SMCO4: variants seen among roughly 807,000 people sequenced by gnomAD.
SMCO4 encodes single-pass membrane and coiled-coil domain-containing protein 4.
SMCO4 carries 4 observed loss-of-function variants against 3.6 expected under a neutral mutation model. That is an observed-to-expected ratio of 1.11 (90% CI 0.54 to 2.53). SMCO4 has a LOEUF of 2.53. Among genes scored for constraint, SMCO4 ranks in the 30% most tolerant of loss-of-function variants. The pLI, the probability that SMCO4 is intolerant of heterozygous loss-of-function variation, is 0.02. For synonymous variants in SMCO4, 36 were observed against 35.3 expected (o/e 1.02, Z -0.07); for missense variants, 70 against 80.8 (o/e 0.87, Z 0.51).
Position 93,541,391 on chromosome 11 carries a change from G to C in SMCO4, c.-154+1885C>G, listed in dbSNP as rs1422990726. On this transcript the variant is annotated intron_variant, in intron 1 of 2. Transcript: ENST00000298966. ...AAGTCTGGGCATGCCAGAGGCAAGA[G>C]GAACCAGCTCACCACTTCTCAAGCC... is the stretch of plus-strand genomic sequence containing the variant. Among the ~76,000 whole-genome samples the C allele has an allele frequency of 2.6e-4, 39 of 152,152 alleles. 1 individual carries two copies.
chr11:93,485,950 T>C (rs1323548689), intron 2 of SMCO4, among the ~76,000 whole-genome samples: 3 of 152,150 alleles, frequency 2.0e-5, no homozygotes, highest in Non-Finnish European at 4.4e-5. Context: ...CAATCTCAAC[T>C]CCACTATAAA....
intron 1 of SMCO4, among the ~76,000 whole-genome samples, chr11:93,527,727 C>T (rs1949122300): frequency 1.3e-5 from 2 of 152,198 alleles, no homozygotes; most frequent in East Asian, 3.8e-4. Flanking sequence ...TCCCAAAGGG[C>T]TGGGATTATA....
At chr11:93,516,898 C>T (rs1459761301) in intron 1 of SMCO4, among the ~76,000 whole-genome samples, 2 of 152,020 alleles carry the variant, frequency 1.3e-5, no homozygotes, top group African/African-American at 4.8e-5. Flanking sequence ...TAAGAAGAAA[C>T]AAAAACTTCT....
intron 1 of SMCO4, among the ~76,000 whole-genome samples, chr11:93,504,489 G>A (rs968728209): frequency 9.9e-5 from 15 of 152,208 alleles, no homozygotes; most frequent in African/African-American, 3.4e-4. Context: ...CAAAGCCTGT[G>A]GCCACATGCC....
chr11:93,488,545 G>A (rs1402614923), intron 2 of SMCO4, among the ~76,000 whole-genome samples: 1 of 152,166 alleles, frequency 6.6e-6, no homozygotes, highest in Non-Finnish European at 1.5e-5. Flanking sequence ...GATTGGAAAT[G>A]GAGTGTGAAA....
Position 93,483,465 on chromosome 11 carries a change from A to G in SMCO4, c.-80-4196T>C, listed in dbSNP as rs1221014811. The stretch of plus-strand genomic sequence containing the variant: ...ATCTAAGAGACATGAATGGACACTG[A>G]AGTTGGACAATCACACAGTTGTAGT... On this transcript the variant is annotated intron_variant, in intron 2 of 2. Transcript: ENST00000298966. Among the ~76,000 whole-genome samples the G allele has an allele frequency of 2.0e-5, 3 of 152,206 alleles. No individual in the cohort carries two copies. In the East Asian group the frequency reaches 5.8e-4, roughly 29 times the overall value.
At chr11:93,486,172 C>T (rs1484870782) in intron 2 of SMCO4, among the ~76,000 whole-genome samples, 2 of 152,216 alleles carry the variant, frequency 1.3e-5, no homozygotes, top group African/African-American at 2.4e-5. Flanking sequence ...AGCCTCACAG[C>T]AGCCTTCATC....
At chr11:93,511,130 A>ATAAACCCAC (rs1948953342) in intron 1 of SMCO4, among the ~76,000 whole-genome samples, 1 of 152,086 alleles carries the variant, frequency 6.6e-6, no homozygotes, top group Non-Finnish European at 1.5e-5. Flanking sequence ...GCCCACTCAA[A>ATAAACCCAC]AGATTTTGAC....
chr11:93,494,962 C>T (rs1948757803), intron 2 of SMCO4, among the ~76,000 whole-genome samples: 1 of 152,156 alleles, frequency 6.6e-6, no homozygotes, highest in African/African-American at 2.4e-5. Flanking sequence ...TCCCACCCCA[C>T]CGTGCCCTCC....
Position 93,494,689 on chromosome 11 carries a change from G to T in SMCO4, c.-81+4587C>A, listed in dbSNP as rs190188370. ...CATACCTAAAATGTGCAAGTCTCTG[G>T]AATTTTAAGTCTCACACCCATTAGA... On this transcript the variant is annotated intron_variant, in intron 2 of 2. Coordinates refer to ENST00000298966, the MANE Select transcript of SMCO4 (RefSeq NM_020179.3). Among the ~76,000 whole-genome samples, 8 of 152,264 alleles carry T rather than the reference G, an allele frequency of 5.3e-5. No homozygotes were observed. The East Asian group carries it at 1.5e-3, about 29-fold the overall frequency.
chr11:93,551,405 C>T, the SMCO4 span, among the ~76,000 whole-genome samples: 1 of 152,104 alleles, frequency 6.6e-6, no homozygotes, highest in African/African-American at 2.4e-5. Flanking sequence ...ATGATCAGGA[C>T]AAGAAGTGCA....
chr11:93,497,595 C>T (rs114636508), intron 2 of SMCO4, among the ~76,000 whole-genome samples: 420 of 151,710 alleles, frequency 2.8e-3, no homozygotes, highest in African/African-American at 9.7e-3. Context: ...AGGGTAGAGA[C>T]GGTTCTGTGA....
Position 93,495,078 on chromosome 11 carries a change from C to T in SMCO4, c.-81+4198G>A, listed in dbSNP as rs79376188. Among the ~76,000 whole-genome samples the T allele has an allele frequency of 1.2e-4, 18 of 152,102 alleles. No individual in the cohort carries two copies. The East Asian group carries it at 3.5e-3, about 30-fold the overall frequency. ...CTGAAATGCCCTTTGCACCCCTATT[C>T]TCCCAAGCATTCCTTCTGCTTGGCA... On this transcript the variant is annotated intron_variant, in intron 2 of 2. Transcript: ENST00000298966.
chr11:93,506,244 C>A (rs1293768173), intron 1 of SMCO4, among the ~76,000 whole-genome samples: 1 of 152,162 alleles, frequency 6.6e-6, no homozygotes, highest in Non-Finnish European at 1.5e-5. Flanking sequence ...TTAGTCTTAC[C>A]CACTGGTTTT....
chr11:93,518,635 T>C (rs770178632), intron 1 of SMCO4, among the ~76,000 whole-genome samples: 7 of 152,260 alleles, frequency 4.6e-5, no homozygotes, highest in Non-Finnish European at 8.8e-5. Flanking sequence ...CAGTCTCATC[T>C]CATTTGAATA....
chr11:93,529,715 A>C (rs866422849), intron 1 of SMCO4, among the ~76,000 whole-genome samples: 67 of 152,244 alleles, frequency 4.4e-4, no homozygotes, highest in African/African-American at 1.5e-3. Context: ...AAGGAATCTG[A>C]AGTAGTGATT....
At chr11:93,535,624 G>A (rs1002256980) in intron 1 of SMCO4, 1 of 1,583,454 alleles carries the variant, frequency 6.3e-7, no homozygotes, top group Non-Finnish European at 8.7e-7. Context: ...TGAGCCTGCA[G>A]ACAACAAGTG....
intron 1 of SMCO4, among the ~76,000 whole-genome samples, chr11:93,531,637 G>A (rs1193515344): frequency 6.6e-6 from 1 of 152,150 alleles, no homozygotes; most frequent in Non-Finnish European, 1.5e-5. Context: ...GTGCAGACAG[G>A]TAACACTAAT....
At chr11:93,497,945 G>A (rs1213737424) in intron 2 of SMCO4, among the ~76,000 whole-genome samples, 1 of 152,104 alleles carries the variant, frequency 6.6e-6, no homozygotes, top group Admixed American at 6.5e-5. Flanking sequence ...TTTGAGAACT[G>A]TCAGTTGATT....
Sources: allele counts gnomAD v4.1 joint callset (sites outside exome capture counted in the v4.1 genomes callset), GRCh38; gene constraint gnomAD v4.1.1; transcripts MANE v1.5; gene names NCBI Gene and HGNC (gene_info 2026-07-23, HGNC 2026-07-21).